GOLGA4: variants seen among roughly 807,000 people sequenced by gnomAD.
GOLGA4 encodes the protein golgin A4.
A neutral mutation model predicts 265.9 loss-of-function variants in GOLGA4; 169 were observed. That is an observed-to-expected ratio of 0.64 (90% CI 0.56 to 0.72). The LOEUF (loss-of-function observed/expected upper bound fraction) is 0.72, where lower values mean the gene tolerates loss of function less well. Ranked by LOEUF, GOLGA4 falls within the 30% of genes least tolerant of loss-of-function variation. GOLGA4 has a pLI of 0.00. For missense variants in GOLGA4, 2,482 were observed against 2,483.4 expected (o/e 1.00, Z 0.01); for synonymous variants, 923 against 855.8 (o/e 1.08, Z -1.37).
In GOLGA4 at chr3:37,243,362, C is replaced by T. The variant is rs1340168957; in HGVS notation, c.-189C>T. 2 of 577,116 alleles carry T rather than the reference C, an allele frequency of 3.5e-6. No individual in the cohort carries two copies. The highest frequency in any genetic ancestry group is 6.2e-6 in the Non-Finnish European group (2 of 321,488). The allele number at this position is 577,116 out of a possible 1,614,324, so 35.7% of individuals were successfully genotyped here. ...CAGTGGCACCCGGAAGAAAGAGACGCGGCGGCGGCGACGCCGACACCCTCA... is the reference window on the plus strand; with the variant it reads ...CAGTGGCACCCGGAAGAAAGAGACGTGGCGGCGGCGACGCCGACACCCTCA... On this transcript the variant is annotated 5_prime_UTR_variant, in exon 1 of 24. Coordinates refer to ENST00000361924, the MANE Select transcript of GOLGA4 (RefSeq NM_002078.5).
chr3:37,277,253 A>C lies in GOLGA4; in HGVS notation c.163-4705A>C, dbSNP rs60728290. On this transcript the variant is annotated intron_variant, in intron 2 of 23. Coordinates refer to ENST00000361924, the MANE Select transcript of GOLGA4 (RefSeq NM_002078.5). ...ACTTGTTCTTAATAGATTTTTGGAAACAAGACTTTATTGAGATCAGTTTGG... is the reference window on the plus strand; with the variant it reads ...ACTTGTTCTTAATAGATTTTTGGAACCAAGACTTTATTGAGATCAGTTTGG... 7.1e-3 allele frequency among the ~76,000 whole-genome samples: 1,084 copies of C among 152,310 alleles called. 15 individuals carry two copies. Among genetic ancestry groups the C allele is most frequent in the African/African-American group, 0.024 (1,017 of 41,568 alleles).
At chr3:37,323,447 T>C (rs2150957789) in intron 13 of GOLGA4, 141 bp from the exon 14 acceptor site, 2 of 595,510 alleles carry the variant, frequency 3.4e-6, no homozygotes, top group Non-Finnish European at 5.9e-6. Flanking sequence ...CCTTTAGTAA[T>C]TGAGCATAGA....
At chr3:37,331,030 C>CAAA (rs1205353359) in intron 16 of GOLGA4, among the ~76,000 whole-genome samples, 1 of 63,076 alleles carries the variant, frequency 1.6e-5, no homozygotes, top group Non-Finnish European at 3.2e-5. Context: ...GACTCCGTCT[C>CAAA]AAAAAAAAAA....
At chr3:37,257,192 A>T (rs777591871) in intron 2 of GOLGA4, among the ~76,000 whole-genome samples, 2 of 152,050 alleles carry the variant, frequency 1.3e-5, no homozygotes, top group Non-Finnish European at 2.9e-5. Flanking sequence ...TTTGTGTCTG[A>T]CCACTTTTAC....
Position 37,323,573 on chromosome 3 carries a change from G to A in GOLGA4, c.1702-15G>A, listed in dbSNP as rs1383835449. The stretch of plus-strand genomic sequence containing the variant: ...TACGTACTTTAATAAAAATGCATCT[G>A]TTTTTAATTAACAGAGAATTCTTGA... On this transcript the variant is annotated splice_polypyrimidine_tract_variant and intron_variant, in intron 13 of 23. Coordinates refer to ENST00000361924, the MANE Select transcript of GOLGA4 (RefSeq NM_002078.5). 7 of 1,497,082 alleles carry A rather than the reference G, an allele frequency of 4.7e-6. No individual in the cohort carries two copies. Among genetic ancestry groups the A allele is most frequent in the African/African-American group, 4.2e-5 (3 of 71,356 alleles). The allele number at this position is 1,497,082 out of a possible 1,614,324, so 92.7% of individuals were successfully genotyped here. A position where few individuals can be genotyped will look rare whatever the true frequency, so the allele number is the denominator to read the frequency against.
chr3:37,286,315 G>A (rs1219213327), intron 4 of GOLGA4, among the ~76,000 whole-genome samples: 2 of 150,034 alleles, frequency 1.3e-5, no homozygotes, highest in African/African-American at 4.9e-5. Flanking sequence ...CACCGCGCCC[G>A]GCTAATTTTT....
At chr3:37,272,871 A>G (rs767400597) in intron 2 of GOLGA4, among the ~76,000 whole-genome samples, 7 of 152,210 alleles carry the variant, frequency 4.6e-5, no homozygotes, top group Non-Finnish European at 1.0e-4. Context: ...AATGCAGTGT[A>G]GAATTTTGAA....
chr3:37,335,582 A>G (rs2097008443), intron 17 of GOLGA4, among the ~76,000 whole-genome samples: 1 of 152,236 alleles, frequency 6.6e-6, no homozygotes, highest in African/African-American at 2.4e-5. Context: ...ATCCTACTCT[A>G]TAATACATCC....
intron 10 of GOLGA4, among the ~76,000 whole-genome samples, chr3:37,310,676 A>G (rs1169188568): frequency 6.6e-6 from 1 of 152,130 alleles, no homozygotes; most frequent in Non-Finnish European, 1.5e-5. Context: ...ACAGAGGATC[A>G]TACTTACAGT....
At chr3:37,306,533 G>GTC (rs1157962699) in intron 10 of GOLGA4, among the ~76,000 whole-genome samples, 1 of 151,624 alleles carries the variant, frequency 6.6e-6, no homozygotes, top group African/African-American at 2.4e-5. Context: ...GTGTGTGTGT[G>GTC]TGTGTGTGTG....
chr3:37,313,791 A>T (rs1374521744), intron 10 of GOLGA4, among the ~76,000 whole-genome samples: 1 of 152,154 alleles, frequency 6.6e-6, no homozygotes, highest in Admixed American at 6.5e-5. Flanking sequence ...AATTCATTGT[A>T]AGTTGAAAAT....
intron 1 of GOLGA4, chr3:37,249,739 C>T (rs2150587783): frequency 1.3e-5 from 2 of 152,292 alleles, no homozygotes; most frequent in South Asian, 4.1e-4. Context: ...AAAAGTCAAT[C>T]TAGGTAAGCA....
intron 20 of GOLGA4, among the ~76,000 whole-genome samples, chr3:37,341,228 G>A (rs903267871): frequency 2.0e-5 from 3 of 152,156 alleles, no homozygotes; most frequent in Admixed American, 2.0e-4. Context: ...ATGAGCTTGA[G>A]TCTTTATGTG....
At position 37,251,510 on chromosome 3, in the gene GOLGA4, A is replaced by G. The variant is rs773492405; in HGVS notation, c.162+26A>G. On this transcript the variant is annotated intron_variant, in intron 2 of 23. Coordinates refer to ENST00000361924, the MANE Select transcript of GOLGA4 (RefSeq NM_002078.5). ...GTAAGTTTGGAATTCCTTTTCTAGTATACCTCTCAAAAGAAACTAATCTAA... is the reference window on the plus strand; with the variant it reads ...GTAAGTTTGGAATTCCTTTTCTAGTGTACCTCTCAAAAGAAACTAATCTAA... 1.5e-5 allele frequency: 20 copies of G among 1,352,450 alleles called. No homozygotes were observed. In the East Asian group the frequency reaches 2.5e-4, roughly 17 times the overall value. 83.8% of individuals were successfully genotyped at this position (1,352,450 alleles called of 1,614,324 possible). A position where few individuals can be genotyped will look rare whatever the true frequency, so the allele number is the denominator to read the frequency against.
chr3:37,293,678 G>T (rs1174785609), intron 5 of GOLGA4, among the ~76,000 whole-genome samples: 1 of 152,198 alleles, frequency 6.6e-6, no homozygotes, highest in East Asian at 1.9e-4. Context: ...GAACCCAAGA[G>T]GGCTAGAAGG....
chr3:37,318,354 T>C (rs533094720), intron 11 of GOLGA4, among the ~76,000 whole-genome samples: 2 of 152,306 alleles, frequency 1.3e-5, no homozygotes, highest in East Asian at 3.9e-4. Context: ...ACCCATATTA[T>C]CTTTAATACA....
intron 21 of GOLGA4, among the ~76,000 whole-genome samples, chr3:37,348,411 TTCC>T (rs956121272): frequency 3.9e-5 from 6 of 152,176 alleles, no homozygotes; most frequent in African/African-American, 9.7e-5. Flanking sequence ...GTCTTTTTTT[TTCC>T]TCAATGCCAT....
chr3:37,314,127 C>G (rs998497763), intron 10 of GOLGA4, among the ~76,000 whole-genome samples: 1 of 151,946 alleles, frequency 6.6e-6, no homozygotes, highest in Non-Finnish European at 1.5e-5. Context: ...TGCTACCACA[C>G]CAGGCTAATT....
At chr3:37,342,312 C>G (rs2097038527) in intron 20 of GOLGA4, among the ~76,000 whole-genome samples, 1 of 152,154 alleles carries the variant, frequency 6.6e-6, no homozygotes, top group Non-Finnish European at 1.5e-5. Context: ...CCACTGGACT[C>G]CAGCCTGGGC....
Sources: gnomAD v4.1 joint callset for allele counts (sites outside exome capture counted in the v4.1 genomes callset) on GRCh38, gnomAD v4.1.1 for gene constraint, MANE v1.5 for transcripts, NCBI Gene and HGNC (gene_info 2026-07-23, HGNC 2026-07-21) for gene names.